The following SLC18A2 variants were observed in gnomAD, a reference collection of about 807,000 sequenced individuals.
SLC18A2 encodes synaptic vesicular amine transporter.
Under a neutral mutation model 59.2 loss-of-function variants are expected in SLC18A2, and 33 were observed. The ratio of observed to expected loss-of-function variants is 0.56; its 90% CI spans 0.42 to 0.75. SLC18A2 has a LOEUF of 0.75. Among genes scored for constraint, SLC18A2 ranks in the 30% least tolerant of loss-of-function variants. The pLI is 0.00. For missense variants in SLC18A2, 569 were observed against 668.6 expected, an observed-to-expected ratio of 0.85 and a Z score of 1.64; for synonymous variants, 228 against 253.5, an observed-to-expected ratio of 0.90 and a Z score of 0.95.
At chr10:117,243,917 C>T in intron 2 of SLC18A2, 54 bp from the exon 3 acceptor site, 9 of 1,448,804 alleles carry the variant, frequency 6.2e-6, no homozygotes, top group Non-Finnish European at 8.4e-6. Flanking sequence ...TGGCTTTTTT[C>T]CTGGAGAGGG....
intron 3 of SLC18A2, among the ~76,000 whole-genome samples, chr10:117,252,780 C>A (rs1320595542): frequency 6.6e-6 from 1 of 152,158 alleles, no homozygotes; most frequent in Non-Finnish European, 1.5e-5. Flanking sequence ...GGTCATGTGT[C>A]CAGCCAGACA....
At chr10:117,242,427 A>G (rs1317926168) in intron 2 of SLC18A2, among the ~76,000 whole-genome samples, 1 of 151,396 alleles carries the variant, frequency 6.6e-6, no homozygotes, top group Non-Finnish European at 1.5e-5. Flanking sequence ...AGTATTTGGC[A>G]TGCATTTCCT....
In SLC18A2 at chr10:117,244,043, C is replaced by T. The variant is rs1363906830; in HGVS notation, c.194C>T (p.Pro65Leu). The change falls in exon 3 of 16, where the codon CCA becomes CTA. Residue 65 changes from proline to leucine, a missense_variant. By Grantham distance (98) the Pro-to-Leu change is moderately conservative (BLOSUM62 -3). Coordinates refer to ENST00000644641, the MANE Select transcript of SLC18A2 (RefSeq NM_003054.6). ...KNATEIQTAR[P>L]VHTASISDSF... ...GCTACAGAAATCCAGACGGCCAGGC[C>T]AGTGCACACTGCCTCCATCTCAGAC... The T allele has an allele frequency of 6.2e-7, 1 of 1,614,158 alleles. No homozygotes were observed. Among genetic ancestry groups the T allele is most frequent in the Non-Finnish European group, 8.5e-7 (1 of 1,180,030 alleles).
At chr10:117,268,826 ATGTG>A (rs144528427) in intron 13 of SLC18A2, among the ~76,000 whole-genome samples, 15,822 of 150,878 alleles carry the variant, frequency 0.1, 1,094 homozygotes, top group East Asian at 0.34. Context: ...ATGTATGTTT[ATGTG>A]TGTGTGTGTG....
intron 3 of SLC18A2, among the ~76,000 whole-genome samples, chr10:117,248,308 C>T (rs1844130649): frequency 6.6e-6 from 1 of 152,118 alleles, no homozygotes; most frequent in Admixed American, 6.5e-5. Flanking sequence ...CACACCAAAC[C>T]CTGAAAATAT....
At chr10:117,253,981 G>A (rs937476446) in intron 4 of SLC18A2, 67 bp from the exon 5 acceptor site, 11 of 1,458,328 alleles carry the variant, frequency 7.5e-6, no homozygotes, top group South Asian at 4.6e-5. Flanking sequence ...CTTCTGAAAC[G>A]TTCCTGTTTG....
intron 9 of SLC18A2, among the ~76,000 whole-genome samples, chr10:117,256,230 G>T (rs937730775): frequency 1.3e-5 from 2 of 152,212 alleles, no homozygotes; most frequent in Admixed American, 1.3e-4. Context: ...GGGGTTTTGT[G>T]ACTCTTGGGA....
chr10:117,266,852 T>C (rs1395567088), intron 11 of SLC18A2, 41 bp downstream of exon 11: 7 of 1,575,818 alleles, frequency 4.4e-6, no homozygotes, highest in Non-Finnish European at 6.1e-6. Context: ...GTTACAATAA[T>C]GTAGTTCTTT....
intron 3 of SLC18A2, among the ~76,000 whole-genome samples, chr10:117,249,320 C>T (rs796636397): frequency 2.0e-5 from 3 of 152,228 alleles, no homozygotes; most frequent in Non-Finnish European, 2.9e-5. Context: ...ACAGGGCTCA[C>T]GCCCAGGAAA....
chr10:117,266,548 T>C (rs1452780969), intron 10 of SLC18A2, among the ~76,000 whole-genome samples, 185 bp from the exon 11 acceptor site: 2 of 152,240 alleles, frequency 1.3e-5, no homozygotes, highest in Non-Finnish European at 2.9e-5. Flanking sequence ...AGCAGCTTTG[T>C]GTGGAGGATA....
intron 1 of SLC18A2, 95 bp from the exon 2 acceptor site, chr10:117,241,584 G>T (rs1410389145): frequency 4.6e-6 from 6 of 1,303,578 alleles, no homozygotes; most frequent in Non-Finnish European, 6.0e-6. Context: ...ATGCCGGTGC[G>T]CGCGGCTCCC....
chr10:117,250,565 G>A (rs79402272), intron 3 of SLC18A2, among the ~76,000 whole-genome samples: 4,586 of 152,266 alleles, frequency 0.03, 224 homozygotes, highest in African/African-American at 0.11. Flanking sequence ...AGGCACAAAC[G>A]CTGTGGTTTT....
rs529163619 is a variant in SLC18A2 at position 117,255,243 on chromosome 10, C to T, written c.701-34C>T. 1.9e-6 allele frequency: 3 copies of T among 1,585,562 alleles called. No homozygotes were observed. The Admixed American group carries it at 5.0e-5, about 26-fold the overall frequency. On this transcript the variant is annotated intron_variant, in intron 6 of 15. Transcript: ENST00000644641. ...CTAGTACAGGGAGAGGGCATGTGTC[C>T]CAGGGGTGGTGTCCCCACTTTCTCT...
intron 13 of SLC18A2, chr10:117,268,419 G>A (rs1844374656): frequency 6.6e-6 from 1 of 152,304 alleles, no homozygotes; most frequent in Non-Finnish European, 1.5e-5. Flanking sequence ...ACTCAGTATG[G>A]TACTCTAGGT....
At chr10:117,254,249 C>T (rs777117427) in intron 5 of SLC18A2, 118 bp downstream of exon 5, 3 of 1,185,482 alleles carry the variant, frequency 2.5e-6, no homozygotes, top group Non-Finnish European at 3.7e-6. Context: ...GGAGAAGGCA[C>T]CCACTTTCCT....
chr10:117,254,642 G>A, intron 6 of SLC18A2, 145 bp downstream of exon 6: 1 of 490,316 alleles, frequency 2.0e-6, no homozygotes, highest in Non-Finnish European at 3.5e-6. Context: ...CTTTCATGGA[G>A]ACTTTGAAAA....
intron 3 of SLC18A2, among the ~76,000 whole-genome samples, chr10:117,246,564 T>C (rs1413181904): frequency 6.6e-6 from 1 of 152,240 alleles, no homozygotes; most frequent in East Asian, 1.9e-4. Context: ...TAGAGCAAAA[T>C]TGTAATCCCC....
intron 10 of SLC18A2, among the ~76,000 whole-genome samples, chr10:117,266,172 T>C (rs1315272511): frequency 1.3e-5 from 2 of 151,766 alleles, no homozygotes; most frequent in African/African-American, 4.8e-5. Context: ...AGAAAAATGT[T>C]CATAAAGCTA....
At position 117,269,998 on chromosome 10, in the gene SLC18A2, A is replaced by T. The variant is rs913052173; in HGVS notation, c.1187-73A>T. ...GCTGGCAGGGTGGTGAGTTTAAGAC[A>T]CACTCCCTGATATTCGGCCCATTTT... On this transcript the variant is annotated intron_variant, in intron 13 of 15. Coordinates refer to ENST00000644641, the MANE Select transcript of SLC18A2 (RefSeq NM_003054.6). This position sits in a 1 kb window ranked among gnomAD's most constrained non-coding sequence, Gnocchi z 5.1. 3 of 1,580,348 alleles carry T rather than the reference A, an allele frequency of 1.9e-6. No individual in the cohort carries two copies. The South Asian group carries it at 3.4e-5, about 18-fold the overall frequency.
Sources: allele counts gnomAD v4.1 joint callset (sites outside exome capture counted in the v4.1 genomes callset), GRCh38; gene constraint gnomAD v4.1.1; non-coding constraint Gnocchi (gnomAD v3.1); transcripts MANE v1.5; gene names NCBI Gene and HGNC (gene_info 2026-07-23, HGNC 2026-07-21).